Variants in RNF214 observed in about 807,000 individuals in gnomAD.
The protein encoded by RNF214 is ring finger protein 214.
In RNF214, 25 loss-of-function variants were observed where a neutral mutation model predicts 75.9. The ratio of observed to expected loss-of-function variants is 0.33; its 90% CI spans 0.24 to 0.46. The LOEUF is 0.46. Ranked by LOEUF, RNF214 falls within the 20% of genes least tolerant of loss-of-function variation. The pLI is 1.00. For missense variants in RNF214, 725 were observed against 857.5 expected (o/e 0.85, Z 1.93); for synonymous variants, 314 against 308.8 (o/e 1.02, Z -0.18).
chr11:117,246,518 AC>A (rs2033230519), intron 5 of RNF214, among the ~76,000 whole-genome samples: 1 of 152,214 alleles, frequency 6.6e-6, no homozygotes, highest in African/African-American at 2.4e-5. Flanking sequence ...TTATTTGAAC[AC>A]CAGTAATGAA....
In RNF214 at chr11:117,247,670, G is replaced by A. The variant is rs150284031; in HGVS notation, c.959+722G>A. ...GATCGAGACCATCCTGGCCAATATG[G>A]TGAAACCCCATCTCTACTAAAATAC... On this transcript the variant is annotated intron_variant, in intron 6 of 14. Coordinates refer to ENST00000300650, the MANE Select transcript of RNF214 (RefSeq NM_207343.4). Among the ~76,000 whole-genome samples the A allele has an allele frequency of 3.0e-3, 455 of 152,066 alleles. 2 individuals are homozygous for A. The highest frequency in any genetic ancestry group is 4.2e-3 in the Non-Finnish European group (286 of 67,980).
intron 6 of RNF214, among the ~76,000 whole-genome samples, chr11:117,266,648 C>T (rs2033802431): frequency 6.6e-6 from 1 of 152,056 alleles, no homozygotes; most frequent in African/African-American, 2.4e-5. Flanking sequence ...GTGTGAGTCA[C>T]CACACCTGGC....
intron 4 of RNF214, among the ~76,000 whole-genome samples, chr11:117,241,134 C>G (rs913238656): frequency 1.3e-5 from 2 of 151,624 alleles, no homozygotes; most frequent in African/African-American, 4.9e-5. Flanking sequence ...GACCCGAGAT[C>G]GTACCACTGC....
intron 6 of RNF214, among the ~76,000 whole-genome samples, chr11:117,247,284 G>C (rs963889511): frequency 1.3e-5 from 2 of 152,122 alleles, no homozygotes; most frequent in African/African-American, 4.8e-5. Flanking sequence ...GAGGCCAGGA[G>C]TTTGAGACCA....
intron 6 of RNF214, among the ~76,000 whole-genome samples, chr11:117,254,506 G>A (rs2033474653): frequency 6.6e-6 from 1 of 152,100 alleles, no homozygotes; most frequent in Non-Finnish European, 1.5e-5. Context: ...CTTATGGTCT[G>A]TTACTGGATT....
intron 6 of RNF214, among the ~76,000 whole-genome samples, chr11:117,261,917 A>G (rs907103937): frequency 2.0e-5 from 3 of 151,766 alleles, no homozygotes; most frequent in Non-Finnish European, 2.9e-5. Context: ...AAGTGCTGGG[A>G]TTACAGGTGT....
At chr11:117,267,919 G>A (rs190472808) in intron 6 of RNF214, among the ~76,000 whole-genome samples, 92 of 152,170 alleles carry the variant, frequency 6.0e-4, no homozygotes, top group African/African-American at 2.1e-3. Context: ...TCACTAAGGC[G>A]GTAGAGAAAG....
chr11:117,260,111 A>G (rs1235924862), intron 6 of RNF214, among the ~76,000 whole-genome samples: 2 of 150,908 alleles, frequency 1.3e-5, no homozygotes, highest in African/African-American at 4.9e-5. Flanking sequence ...GAGGCACAAC[A>G]TTGGAATGTG....
intron 6 of RNF214, among the ~76,000 whole-genome samples, chr11:117,277,973 CAAAAA>C (rs550645604): frequency 1.6e-5 from 2 of 126,960 alleles, no homozygotes; most frequent in Non-Finnish European, 3.4e-5. Flanking sequence ...GACTCCCTCT[CAAAAA>C]AAAAAAAAGA....
intron 6 of RNF214, among the ~76,000 whole-genome samples, chr11:117,256,065 T>G (rs535225827): frequency 1.3e-5 from 2 of 152,304 alleles, no homozygotes; most frequent in South Asian, 4.1e-4. Context: ...TATGCAGTAT[T>G]CTGAACGTAC....
chr11:117,242,331 T>C (rs945047598), intron 4 of RNF214, among the ~76,000 whole-genome samples: 2 of 152,144 alleles, frequency 1.3e-5, no homozygotes, highest in African/African-American at 2.4e-5. Flanking sequence ...TTGGTGCAAG[T>C]TGAAGAAATT....
At chr11:117,267,466 GT>G (rs1426611536) in intron 6 of RNF214, among the ~76,000 whole-genome samples, 2 of 152,000 alleles carry the variant, frequency 1.3e-5, no homozygotes, top group Non-Finnish European at 2.9e-5. Flanking sequence ...AATTTCAGCA[GT>G]TTGGGAGGCC....
intron 6 of RNF214, among the ~76,000 whole-genome samples, chr11:117,249,169 C>T (rs1015048235): frequency 4.6e-5 from 7 of 152,204 alleles, no homozygotes; most frequent in African/African-American, 1.4e-4. Context: ...AAGCGATCCA[C>T]CTGCCTTGGC....
At chr11:117,272,355 A>C (rs1323329428) in intron 6 of RNF214, among the ~76,000 whole-genome samples, 1 of 152,152 alleles carries the variant, frequency 6.6e-6, no homozygotes, top group Non-Finnish European at 1.5e-5. Context: ...CAAACACCGC[A>C]TGTTCTTACT....
intron 6 of RNF214, among the ~76,000 whole-genome samples, chr11:117,259,766 G>A (rs1042592845): frequency 3.9e-5 from 6 of 151,994 alleles, no homozygotes; most frequent in African/African-American, 1.4e-4. Context: ...TTGGGGGGTT[G>A]AGTTTTTGAG....
Position 117,261,228 on chromosome 11 carries a change from T to C in RNF214, c.959+14280T>C, listed in dbSNP as rs148851715. ...AGAAGTTACATTCTATTTCTAATTATCTGAGACTTATTAAAATGAATGGGT... is the reference window on the plus strand; with the variant it reads ...AGAAGTTACATTCTATTTCTAATTACCTGAGACTTATTAAAATGAATGGGT... On this transcript the variant is annotated intron_variant, in intron 6 of 14. Transcript: ENST00000300650. Among the ~76,000 whole-genome samples the C allele has an allele frequency of 2.6e-5, 4 of 152,336 alleles. No individual in the cohort carries two copies. In the East Asian group the frequency reaches 7.7e-4, roughly 29 times the overall value.
chr11:117,247,623 C>T (rs2033260288), intron 6 of RNF214, among the ~76,000 whole-genome samples: 1 of 152,044 alleles, frequency 6.6e-6, no homozygotes, highest in Non-Finnish European at 1.5e-5. Flanking sequence ...GAGGCCGAGG[C>T]AGGTGGATCA....
intron 2 of RNF214, 100 bp from the exon 3 acceptor site, chr11:117,238,501 A>G: frequency 9.8e-7 from 1 of 1,017,974 alleles, no homozygotes; most frequent in Non-Finnish European, 1.4e-6. Context: ...AAGTTCTTTC[A>G]TTATGATAGT....
chr11:117,252,957 A>G (rs1373879058), intron 6 of RNF214, among the ~76,000 whole-genome samples: 1 of 152,204 alleles, frequency 6.6e-6, no homozygotes, highest in South Asian at 2.1e-4. Context: ...CTTAATAGAA[A>G]TCTGCTAAGT....
Sources: allele counts gnomAD v4.1 joint callset (sites outside exome capture counted in the v4.1 genomes callset), GRCh38; gene constraint gnomAD v4.1.1; transcripts MANE v1.5; gene names NCBI Gene and HGNC (gene_info 2026-07-23, HGNC 2026-07-21).